Variants in SPMIP2 observed in about 807,000 individuals in gnomAD.
SPMIP2 encodes sperm microtubule inner protein 2, also known as protein SPMIP2.
the SPMIP2 span, among the ~76,000 whole-genome samples, chr4:159,051,261 A>T: frequency 6.6e-6 from 1 of 152,172 alleles, no homozygotes; most frequent in African/African-American, 2.4e-5. Context: ...ATGCAAAGTG[A>T]TATGTTTTCT....
chr4:159,063,281 G>A, the SPMIP2 span, among the ~76,000 whole-genome samples: 3 of 152,118 alleles, frequency 2.0e-5, no homozygotes, highest in African/African-American at 4.8e-5. Context: ...ATCTTGGGCC[G>A]GGCATGGTGG....
chr4:158,929,240 G>A, the SPMIP2 span, among the ~76,000 whole-genome samples: 2 of 152,132 alleles, frequency 1.3e-5, no homozygotes, highest in South Asian at 2.1e-4. Context: ...CTGGTCCCAC[G>A]CTCCTGGCCC....
chr4:159,005,104 G>A, the SPMIP2 span, among the ~76,000 whole-genome samples: 2 of 149,276 alleles, frequency 1.3e-5, no homozygotes, highest in African/African-American at 5.0e-5. Flanking sequence ...GGTAGCGCAA[G>A]CCTGTAATCC....
the SPMIP2 span, among the ~76,000 whole-genome samples, chr4:158,961,958 T>C: frequency 6.6e-6 from 1 of 152,102 alleles, no homozygotes; most frequent in Non-Finnish European, 1.5e-5. Flanking sequence ...TTCATTGAAA[T>C]GGGTAACAAT....
At chr4:158,932,241 G>A in the SPMIP2 span, among the ~76,000 whole-genome samples, 1 of 152,142 alleles carries the variant, frequency 6.6e-6, no homozygotes, top group African/African-American at 2.4e-5. Flanking sequence ...AAAGCCGGGT[G>A]GATCACTTGA....
chr4:158,996,840 A>G, the SPMIP2 span, among the ~76,000 whole-genome samples: 1 of 152,184 alleles, frequency 6.6e-6, no homozygotes, highest in African/African-American at 2.4e-5. Flanking sequence ...CTCTCATTTT[A>G]TTCACCAGGA....
chr4:158,992,811 T>A, the SPMIP2 span, among the ~76,000 whole-genome samples: 1 of 152,200 alleles, frequency 6.6e-6, no homozygotes, highest in Non-Finnish European at 1.5e-5. Flanking sequence ...GCCTTCTTTA[T>A]AAAGGCTTTA....
chr4:158,974,069 G>C, the SPMIP2 span, among the ~76,000 whole-genome samples: 1 of 149,800 alleles, frequency 6.7e-6, no homozygotes, highest in Non-Finnish European at 1.5e-5. Flanking sequence ...TTCAGATATT[G>C]AGGTGTTTTA....
the SPMIP2 span, among the ~76,000 whole-genome samples, chr4:159,014,409 C>A: frequency 9.9e-5 from 15 of 152,104 alleles, no homozygotes; most frequent in African/African-American, 3.6e-4. Context: ...GCTGAGGTCG[C>A]ACCACCGCAC....
the SPMIP2 span, chr4:159,007,840 A>C: frequency 1.8e-6 from 1 of 550,242 alleles, no homozygotes; most frequent in East Asian, 4.8e-5. Context: ...CACTGAATCC[A>C]GGACTAGAAG....
chr4:158,973,207 AT>A, the SPMIP2 span: 1 of 1,613,724 alleles, frequency 6.2e-7, no homozygotes, highest in Admixed American at 1.7e-5. Context: ...GCAGGCCTCC[AT>A]AAATATCTGA....
the SPMIP2 span, among the ~76,000 whole-genome samples, chr4:159,071,253 G>A: frequency 6.6e-6 from 1 of 152,170 alleles, no homozygotes; most frequent in Admixed American, 6.5e-5. Context: ...TTTGGCAGTA[G>A]TTGTTGTTAG....
At chr4:159,074,887 CAA>C in the SPMIP2 span, among the ~76,000 whole-genome samples, 14 of 152,220 alleles carry the variant, frequency 9.2e-5, no homozygotes, top group South Asian at 2.9e-3. Flanking sequence ...AGACTATTTA[CAA>C]GGATGCAAGG....
chr4:158,964,396 G>C, the SPMIP2 span, among the ~76,000 whole-genome samples: 1 of 152,136 alleles, frequency 6.6e-6, no homozygotes, highest in African/African-American at 2.4e-5. Flanking sequence ...TTCATCTTTG[G>C]GAGATCTGAG....
At chr4:158,937,613 A>C in the SPMIP2 span, 1 of 154,436 alleles carries the variant, frequency 6.5e-6, no homozygotes, top group African/African-American at 2.4e-5. Flanking sequence ...GGCACTTAGC[A>C]GCCTTAAGGA....
chr4:158,984,308 C>T, the SPMIP2 span, among the ~76,000 whole-genome samples: 1,382 of 123,294 alleles, frequency 0.011, 17 homozygotes, highest in African/African-American at 0.037. Flanking sequence ...GAACTCTCCA[C>T]CCCAAATCCA....
chr4:159,070,220 T>G, the SPMIP2 span, among the ~76,000 whole-genome samples: 1 of 152,208 alleles, frequency 6.6e-6, no homozygotes, highest in Admixed American at 6.5e-5. Flanking sequence ...CAATATTTTG[T>G]GCCATCGAGT....
At chr4:158,921,378 G>C in the SPMIP2 span, among the ~76,000 whole-genome samples, 1 of 152,126 alleles carries the variant, frequency 6.6e-6, no homozygotes, top group Non-Finnish European at 1.5e-5. Flanking sequence ...GGAGGCAGAG[G>C]TTGCAGTGAG....
At chr4:158,921,628 C>T in the SPMIP2 span, among the ~76,000 whole-genome samples, 7 of 152,236 alleles carry the variant, frequency 4.6e-5, no homozygotes, top group East Asian at 1.2e-3. Context: ...GCCTGCAGAA[C>T]TGTAAGCCAA....
Sources: allele counts gnomAD v4.1 joint callset (sites outside exome capture counted in the v4.1 genomes callset), GRCh38; gene constraint gnomAD v4.1.1; transcripts MANE v1.5; gene names NCBI Gene and HGNC (gene_info 2026-07-23, HGNC 2026-07-21).